MARCHF3: variants seen among roughly 807,000 people sequenced by gnomAD.
MARCHF3 encodes E3 ubiquitin-protein ligase MARCHF3.
A neutral mutation model predicts 24.2 loss-of-function variants in MARCHF3; 13 were observed. The ratio of observed to expected loss-of-function variants is 0.54; its 90% confidence interval spans 0.35 to 0.85. The LOEUF is 0.85. Among genes scored for constraint, MARCHF3 ranks in the 40% least tolerant of loss-of-function variants. The pLI is 0.01. For synonymous variants in MARCHF3, 144 were observed against 137.3 expected, an observed-to-expected ratio of 1.05 and a Z score of -0.34; for missense variants, 276 against 325.0, an observed-to-expected ratio of 0.85 and a Z score of 1.16.
At position 126,945,212 on chromosome 5, in the gene MARCHF3, T is replaced by C. The variant is rs1029181056; in HGVS notation, c.-56-26985A>G. ...CATATTGATGGCTTGAAATTGGCAA[T>C]AGTGGGAGTATTTACACCGTGGGAT... On this transcript the variant is annotated intron_variant, in intron 1 of 4. Transcript: ENST00000308660. Among the ~76,000 whole-genome samples, 12 of 152,290 alleles carry C rather than the reference T, an allele frequency of 7.9e-5. No homozygotes were observed. The East Asian group carries it at 1.7e-3, about 22-fold the overall frequency.
chr5:126,952,946 T>C (rs1750304701), intron 1 of MARCHF3, among the ~76,000 whole-genome samples: 1 of 152,182 alleles, frequency 6.6e-6, no homozygotes, highest in Non-Finnish European at 1.5e-5. Context: ...ATTCTATAGA[T>C]ATTATTTGCT....
chr5:127,007,163 T>C (rs1221195973), intron 1 of MARCHF3, among the ~76,000 whole-genome samples: 1 of 152,158 alleles, frequency 6.6e-6, no homozygotes, highest in African/African-American at 2.4e-5. Flanking sequence ...TTTGATCTAA[T>C]ACAATACTTG....
chr5:126,920,572 A>G (rs1749075318), intron 1 of MARCHF3, among the ~76,000 whole-genome samples: 1 of 152,180 alleles, frequency 6.6e-6, no homozygotes, highest in Non-Finnish European at 1.5e-5. Context: ...ACTCCAGCTC[A>G]GAGGGCCAAA....
At chr5:126,941,621 C>T (rs1749833606) in intron 1 of MARCHF3, among the ~76,000 whole-genome samples, 1 of 152,188 alleles carries the variant, frequency 6.6e-6, no homozygotes. Flanking sequence ...TCTAGGACTG[C>T]ATTAAAGTAA....
At chr5:126,915,853 G>C (rs1428421986) in intron 2 of MARCHF3, among the ~76,000 whole-genome samples, 8 of 152,300 alleles carry the variant, frequency 5.3e-5, no homozygotes, top group East Asian at 3.9e-4. Context: ...TCATAGTGCA[G>C]GCTCCAGAAT....
intron 1 of MARCHF3, among the ~76,000 whole-genome samples, chr5:126,946,794 GTGTC>G (rs1376433970): frequency 6.6e-6 from 1 of 150,668 alleles, no homozygotes; most frequent in Non-Finnish European, 1.5e-5. Flanking sequence ...GTGTGTGTGT[GTGTC>G]TGTGTGTGTG....
chr5:126,973,945 C>T (rs1317157668), intron 1 of MARCHF3, among the ~76,000 whole-genome samples: 8 of 126,604 alleles, frequency 6.3e-5, no homozygotes, highest in African/African-American at 2.4e-4. Flanking sequence ...GGCCGGACTG[C>T]GGACTGCAGT....
In MARCHF3 at chr5:126,922,556, T is replaced by TTTA. The variant is rs1464211636; in HGVS notation, c.-56-4332_-56-4330dup. ...TATTTATTTATTTATTTATTTATTA[T>TTTA]TTATTTTTGAGTCGGAGTCTCACTC... is the stretch of plus-strand genomic sequence containing the variant. On this transcript the variant is annotated intron_variant, in intron 1 of 4. Coordinates refer to ENST00000308660, the MANE Select transcript of MARCHF3 (RefSeq NM_178450.5). 3.0e-4 allele frequency among the ~76,000 whole-genome samples: 36 copies of TTTA among 120,214 alleles called. 2 individuals carry two copies. The South Asian group carries it at 8.4e-3, about 28-fold the overall frequency. 78.9% of individuals were successfully genotyped at this position (120,214 alleles called of 152,430 possible).
chr5:126,997,069 A>G (rs1751971758), intron 1 of MARCHF3, among the ~76,000 whole-genome samples: 1 of 152,228 alleles, frequency 6.6e-6, no homozygotes, highest in South Asian at 2.1e-4. Context: ...GTAAGTATTA[A>G]AGAATACTTA....
intron 1 of MARCHF3, among the ~76,000 whole-genome samples, chr5:126,993,999 G>A (rs1751864898): frequency 6.6e-6 from 1 of 152,156 alleles, no homozygotes; most frequent in Non-Finnish European, 1.5e-5. Flanking sequence ...ATTCTACCTA[G>A]TAACCTCACA....
At chr5:126,996,815 T>A (rs1751962241) in intron 1 of MARCHF3, among the ~76,000 whole-genome samples, 2 of 151,514 alleles carry the variant, frequency 1.3e-5, no homozygotes, top group African/African-American at 4.9e-5. Context: ...AGAAAAAAAA[T>A]AAGCGTGAAG....
chr5:126,907,914 C>T (rs1343435265), intron 3 of MARCHF3, among the ~76,000 whole-genome samples: 1 of 151,950 alleles, frequency 6.6e-6, no homozygotes, highest in Non-Finnish European at 1.5e-5. Flanking sequence ...TCTTCCTAGT[C>T]TCGATGGTCT....
chr5:126,987,474 C>T (rs1751605672), intron 1 of MARCHF3, among the ~76,000 whole-genome samples: 1 of 152,196 alleles, frequency 6.6e-6, no homozygotes, highest in African/African-American at 2.4e-5. Flanking sequence ...GAATTTCTGG[C>T]ATGTCTGCCT....
intron 1 of MARCHF3, among the ~76,000 whole-genome samples, chr5:126,993,435 C>T (rs1009377424): frequency 6.6e-6 from 1 of 152,114 alleles, no homozygotes; most frequent in Non-Finnish European, 1.5e-5. Flanking sequence ...TCCTTTCTTC[C>T]ACATGTGTTA....
chr5:126,993,607 G>GCT (rs1445838537), intron 1 of MARCHF3, among the ~76,000 whole-genome samples: 1 of 152,090 alleles, frequency 6.6e-6, no homozygotes, highest in East Asian at 1.9e-4. Flanking sequence ...CTACAAAGCT[G>GCT]CTCTAATCTC....
intron 1 of MARCHF3, among the ~76,000 whole-genome samples, chr5:127,015,792 C>A (rs894825887): frequency 4.6e-5 from 7 of 152,100 alleles, no homozygotes; most frequent in African/African-American, 1.7e-4. Flanking sequence ...TCAACCATGG[C>A]CCGAAAATAT....
chr5:126,888,927 G>A lies in MARCHF3; in HGVS notation c.394-10533C>T, dbSNP rs1267309043. Among the ~76,000 whole-genome samples the A allele has an allele frequency of 3.3e-5, 5 of 152,220 alleles. 1 individual carries two copies. The highest frequency in any genetic ancestry group is 7.4e-5 in the Non-Finnish European group (5 of 68,006). ...TTACACACATGCACCACCACGCCCGGGTAATTTTTGTACTTTTAGTAGAGA... is the reference window on the plus strand; with the variant it reads ...TTACACACATGCACCACCACGCCCGAGTAATTTTTGTACTTTTAGTAGAGA... On this transcript the variant is annotated intron_variant, in intron 3 of 4. Coordinates refer to ENST00000308660, the MANE Select transcript of MARCHF3 (RefSeq NM_178450.5).
intron 1 of MARCHF3, among the ~76,000 whole-genome samples, chr5:127,024,378 T>C (rs1752927318): frequency 6.6e-6 from 1 of 152,180 alleles, no homozygotes; most frequent in African/African-American, 2.4e-5. Context: ...CTTTCTTGAG[T>C]AACCTTGCTT....
At chr5:126,874,446 C>T (rs996555248) in intron 4 of MARCHF3, among the ~76,000 whole-genome samples, 14 of 151,998 alleles carry the variant, frequency 9.2e-5, no homozygotes, top group African/African-American at 2.9e-4. Context: ...ATTAGCTGGG[C>T]GTGGTGGCAC....
Sources: allele counts gnomAD v4.1 joint callset (sites outside exome capture counted in the v4.1 genomes callset), GRCh38; gene constraint gnomAD v4.1.1; transcripts MANE v1.5; gene names NCBI Gene and HGNC (gene_info 2026-07-23, HGNC 2026-07-21).